Variants in NRG3 observed in about 807,000 individuals in gnomAD.
NRG3 encodes the protein pro-neuregulin-3, membrane-bound isoform.
In NRG3, 31 loss-of-function variants were observed where a neutral mutation model predicts 66.9. That is an observed-to-expected ratio of 0.46 (90% CI 0.35 to 0.63). The LOEUF (loss-of-function observed/expected upper bound fraction) is 0.63. Among genes scored for constraint, NRG3 ranks in the 20% least tolerant of loss-of-function variants. NRG3 has a pLI of 0.00. For missense variants in NRG3, 910 were observed against 878.9 expected, an observed-to-expected ratio of 1.04 and a Z score of -0.45; for synonymous variants, 393 against 359.4, an observed-to-expected ratio of 1.09 and a Z score of -1.06.
chr10:82,838,696 G>A (rs1368849363), intron 3 of NRG3, among the ~76,000 whole-genome samples: 1 of 151,988 alleles, frequency 6.6e-6, no homozygotes, highest in African/African-American at 2.4e-5. Context: ...CAGGTGTCAG[G>A]TGTATCTTAG....
At chr10:82,768,421 C>T (rs890580550) in intron 3 of NRG3, among the ~76,000 whole-genome samples, 1 of 152,006 alleles carries the variant, frequency 6.6e-6, no homozygotes, top group African/African-American at 2.4e-5. Flanking sequence ...TCTTGTTTGT[C>T]GTAGTGACCT....
At chr10:82,674,134 G>C (rs1248394122) in intron 2 of NRG3, among the ~76,000 whole-genome samples, 2 of 152,070 alleles carry the variant, frequency 1.3e-5, no homozygotes, top group African/African-American at 4.8e-5. Context: ...ACTCTGTATG[G>C]CAAAATTAGA....
chr10:82,067,923 T>G (rs1035279968), intron 1 of NRG3, among the ~76,000 whole-genome samples: 6 of 152,242 alleles, frequency 3.9e-5, no homozygotes, highest in Non-Finnish European at 8.8e-5. Context: ...ATCAAGTTTA[T>G]AATTTTTATT....
intron 1 of NRG3, among the ~76,000 whole-genome samples, chr10:82,089,391 C>G (rs1365364176): frequency 6.6e-6 from 1 of 152,114 alleles, no homozygotes; most frequent in African/African-American, 2.4e-5. Flanking sequence ...GCAATCTGTG[C>G]TTCCCTTGTG....
intron 1 of NRG3, among the ~76,000 whole-genome samples, chr10:82,136,675 G>A (rs1271255614): frequency 2.6e-5 from 4 of 151,930 alleles, no homozygotes; most frequent in African/African-American, 9.7e-5. Flanking sequence ...CCCATGGCAA[G>A]TACTGCCTAG....
At chr10:81,886,817 G>A (rs886285683) in intron 1 of NRG3, among the ~76,000 whole-genome samples, 5 of 151,876 alleles carry the variant, frequency 3.3e-5, no homozygotes, top group African/African-American at 1.2e-4. Context: ...TAAAACTTTG[G>A]GTAGAAAATT....
intron 1 of NRG3, among the ~76,000 whole-genome samples, chr10:82,088,432 A>G (rs929242416): frequency 3.9e-5 from 6 of 152,166 alleles, no homozygotes; most frequent in Non-Finnish European, 2.9e-5. Context: ...AACTATTGAT[A>G]TAAATGCAGT....
At chr10:82,281,097 G>T (rs902609786) in intron 1 of NRG3, among the ~76,000 whole-genome samples, 1 of 152,100 alleles carries the variant, frequency 6.6e-6, no homozygotes, top group African/African-American at 2.4e-5. Flanking sequence ...GATTACATTG[G>T]TACTTTTCTG....
intron 4 of NRG3, among the ~76,000 whole-genome samples, chr10:82,933,011 T>G (rs1341526461): frequency 1.3e-5 from 2 of 152,146 alleles, no homozygotes; most frequent in Non-Finnish European, 2.9e-5. Context: ...TTTATTCTTC[T>G]TCCAGAAATC....
At chr10:82,873,958 T>C (rs1841575084) in intron 4 of NRG3, among the ~76,000 whole-genome samples, 1 of 151,896 alleles carries the variant, frequency 6.6e-6, no homozygotes, top group African/African-American at 2.4e-5. Flanking sequence ...AGATTCTTAA[T>C]TAAAATCTTA....
At chr10:81,915,861 G>C (rs1845659234) in intron 1 of NRG3, among the ~76,000 whole-genome samples, 1 of 152,090 alleles carries the variant, frequency 6.6e-6, no homozygotes, top group Non-Finnish European at 1.5e-5. Context: ...TGAGGTTTCA[G>C]TAAATGCTTA....
intron 2 of NRG3, among the ~76,000 whole-genome samples, chr10:82,484,519 T>C (rs926856815): frequency 2.0e-5 from 3 of 152,218 alleles, no homozygotes; most frequent in South Asian, 4.1e-4. Context: ...AGCTACTATT[T>C]ATTGTTATTT....
chr10:82,217,524 T>A (rs9420912), intron 1 of NRG3, among the ~76,000 whole-genome samples: 14 of 152,150 alleles, frequency 9.2e-5, no homozygotes, highest in Non-Finnish European at 1.6e-4. Context: ...CCCTAGCTTC[T>A]GTCTTGGGCA....
At position 82,927,426 on chromosome 10, in the gene NRG3, C is replaced by T. The variant is rs2208787; in HGVS notation, c.1055-24043C>T. Among the ~76,000 whole-genome samples the T allele has an allele frequency of 2.2e-4, 34 of 152,104 alleles. No homozygotes were observed. In the South Asian group the frequency reaches 6.6e-3, roughly 30 times the overall value. ...TGCAGGTTTGTTACATAGGTATACACGGGCTATGGTGGTTTGCTGCACCTA... is the reference window on the plus strand; with the variant it reads ...TGCAGGTTTGTTACATAGGTATACATGGGCTATGGTGGTTTGCTGCACCTA... On this transcript the variant is annotated intron_variant, in intron 4 of 8. Coordinates refer to ENST00000372141, the MANE Select transcript of NRG3 (RefSeq NM_001010848.4).
chr10:82,942,917 C>A (rs1848693603), intron 4 of NRG3, among the ~76,000 whole-genome samples: 1 of 151,864 alleles, frequency 6.6e-6, no homozygotes, highest in Non-Finnish European at 1.5e-5. Context: ...AAATTCAAAA[C>A]CACAATTGAG....
chr10:82,319,649 T>C (rs554435069), intron 1 of NRG3, among the ~76,000 whole-genome samples: 1 of 152,312 alleles, frequency 6.6e-6, no homozygotes, highest in African/African-American at 2.4e-5. Flanking sequence ...GAGCATAAGT[T>C]GGGGTTTGGC....
intron 1 of NRG3, among the ~76,000 whole-genome samples, chr10:82,146,200 G>A (rs955368912): frequency 3.9e-5 from 6 of 152,158 alleles, no homozygotes; most frequent in Non-Finnish European, 8.8e-5. Flanking sequence ...GACAGAGATT[G>A]TAAAAGAGAA....
chr10:82,376,152 G>T (rs533552102), intron 2 of NRG3, among the ~76,000 whole-genome samples: 2 of 152,278 alleles, frequency 1.3e-5, no homozygotes, highest in South Asian at 2.1e-4. Context: ...GGTTCCAGGG[G>T]TGTCGCTGAA....
intron 2 of NRG3, among the ~76,000 whole-genome samples, chr10:82,602,028 A>G (rs2047670572): frequency 2.0e-5 from 3 of 151,228 alleles, no homozygotes. Context: ...AGCTGCAGTG[A>G]GCTATGATCA....
Sources: allele counts gnomAD v4.1 joint callset (sites outside exome capture counted in the v4.1 genomes callset), GRCh38; gene constraint gnomAD v4.1.1; transcripts MANE v1.5; gene names NCBI Gene and HGNC (gene_info 2026-07-23, HGNC 2026-07-21).